The following SDK1 variants were observed in gnomAD, a reference collection of about 807,000 sequenced individuals.
SDK1 encodes the protein sidekick cell adhesion molecule 1.
SDK1 carries 157 observed loss-of-function variants against 245.5 expected under a neutral mutation model. The ratio of observed to expected loss-of-function variants is 0.64; its 90% CI spans 0.56 to 0.73. The LOEUF is 0.73. Ranked by LOEUF, SDK1 falls within the 30% of genes least tolerant of loss-of-function variation. The pLI, the probability that SDK1 is intolerant of heterozygous loss-of-function variation, is 0.00. For missense variants in SDK1, 3,583 were observed against 3,002.3 expected (o/e 1.19, Z -4.52); for synonymous variants, 1,647 against 1,278.5 (o/e 1.29, Z -6.15).
chr7:3,409,011 G>A (rs1442398670), intron 1 of SDK1, among the ~76,000 whole-genome samples: 1 of 152,192 alleles, frequency 6.6e-6, no homozygotes, highest in Non-Finnish European at 1.5e-5. Context: ...GAGACACATA[G>A]TGCTGGCTTG....
intron 5 of SDK1, among the ~76,000 whole-genome samples, chr7:3,885,394 C>T (rs1411570503): frequency 2.0e-5 from 3 of 152,188 alleles, no homozygotes; most frequent in Non-Finnish European, 4.4e-5. Flanking sequence ...TCATCACATT[C>T]CACAGAGAAT....
At chr7:4,040,710 AT>A (rs1788564675) in intron 17 of SDK1, among the ~76,000 whole-genome samples, 1 of 152,184 alleles carries the variant, frequency 6.6e-6, no homozygotes. Flanking sequence ...TGGATGCGCC[AT>A]TTGCATAGCC....
At chr7:3,752,569 A>G (rs964761880) in intron 4 of SDK1, among the ~76,000 whole-genome samples, 3 of 152,232 alleles carry the variant, frequency 2.0e-5, no homozygotes, top group Non-Finnish European at 4.4e-5. Context: ...GCCTTTAAAG[A>G]CAACATTTAT....
At chr7:3,717,054 T>C (rs992180241) in intron 4 of SDK1, among the ~76,000 whole-genome samples, 9 of 152,186 alleles carry the variant, frequency 5.9e-5, no homozygotes, top group African/African-American at 2.2e-4. Flanking sequence ...TACTTAAGAC[T>C]ATTAGATTTT....
intron 1 of SDK1, among the ~76,000 whole-genome samples, chr7:3,393,793 G>A (rs1234595689): frequency 6.6e-6 from 1 of 152,046 alleles, no homozygotes; most frequent in Non-Finnish European, 1.5e-5. Flanking sequence ...CAGCTATTTT[G>A]AGTTCTTGAA....
chr7:3,752,287 A>G lies in SDK1; in HGVS notation c.714-69163A>G, dbSNP rs545321691. 3.3e-4 allele frequency among the ~76,000 whole-genome samples: 51 copies of G among 152,302 alleles called. 1 individual carries two copies. In the South Asian group the frequency reaches 1.0e-2, roughly 30 times the overall value. ...TCTTAATGCATGTTTAGGACTTCAA[A>G]GACCCCTTTCTTTTGATTTTTTTCC... On this transcript the variant is annotated intron_variant, in intron 4 of 44. Transcript: ENST00000404826.
At chr7:3,729,171 G>A (rs1779101287) in intron 4 of SDK1, among the ~76,000 whole-genome samples, 1 of 152,170 alleles carries the variant, frequency 6.6e-6, no homozygotes, top group Admixed American at 6.5e-5. Flanking sequence ...AAGTTTGGAT[G>A]TAAGATCTAA....
At chr7:3,483,744 T>A (rs1781589925) in intron 1 of SDK1, among the ~76,000 whole-genome samples, 1 of 152,176 alleles carries the variant, frequency 6.6e-6, no homozygotes, top group South Asian at 2.1e-4. Flanking sequence ...TTCAGTACTA[T>A]TAGATGATAT....
At chr7:3,506,360 T>C (rs1417303556) in intron 1 of SDK1, among the ~76,000 whole-genome samples, 1 of 152,210 alleles carries the variant, frequency 6.6e-6, no homozygotes, top group Non-Finnish European at 1.5e-5. Context: ...TCTTACCTAT[T>C]CCCTGTGTAA....
At chr7:3,944,952 G>T (rs1332232301) in intron 5 of SDK1, among the ~76,000 whole-genome samples, 1 of 152,134 alleles carries the variant, frequency 6.6e-6, no homozygotes, top group Non-Finnish European at 1.5e-5. Flanking sequence ...AGCATGGAGG[G>T]GGAGCCATTG....
rs1204324690 is a variant in SDK1 at position 3,536,223 on chromosome 7, A to ATT, written c.299-82848_299-82847dup. On this transcript the variant is annotated intron_variant, in intron 1 of 44. Coordinates refer to ENST00000404826, the MANE Select transcript of SDK1 (RefSeq NM_152744.4). Reference sequence around the variant, plus strand: ...AGGCGCCCGCCACCACACCCAGCTAATTTTTTTTTTGTGTGTGTGTTTTTA... The same window carrying ATT: ...AGGCGCCCGCCACCACACCCAGCTAATTTTTTTTTTTTGTGTGTGTGTTTTTA... 2.5e-3 allele frequency among the ~76,000 whole-genome samples: 335 copies of ATT among 136,676 alleles called. 3 individuals carry two copies. Among genetic ancestry groups the ATT allele is most frequent in the South Asian group, 0.019 (77 of 4,038 alleles). The allele number at this position is 136,676 out of a possible 152,430, so 89.7% of individuals were successfully genotyped here. A position where few individuals can be genotyped will look rare whatever the true frequency, so the allele number is the denominator to read the frequency against.
chr7:3,345,082 CTTG>C (rs961079299), intron 1 of SDK1, among the ~76,000 whole-genome samples: 76 of 152,290 alleles, frequency 5.0e-4, no homozygotes, highest in Non-Finnish European at 8.4e-4. Context: ...TCTTTGAAGT[CTTG>C]TTGTAGAACT....
intron 4 of SDK1, among the ~76,000 whole-genome samples, chr7:3,722,716 A>C (rs1184864889): frequency 6.6e-6 from 1 of 152,000 alleles, no homozygotes; most frequent in African/African-American, 2.4e-5. Context: ...CAAGTGCCCC[A>C]CCCCCTGGTG....
chr7:3,463,741 T>TCCTTGAATGCTGGTCTCTCC (rs1451951670), intron 1 of SDK1, among the ~76,000 whole-genome samples: 3 of 152,216 alleles, frequency 2.0e-5, no homozygotes, highest in African/African-American at 7.2e-5. Context: ...CTGGTCTCAC[T>TCCTTGAATGCTGGTCTCTCC]CCTTGAATGC....
At chr7:3,623,017 G>C (rs368676081) in intron 2 of SDK1, among the ~76,000 whole-genome samples, 3 of 151,728 alleles carry the variant, frequency 2.0e-5, no homozygotes, top group African/African-American at 7.3e-5. Flanking sequence ...GCCTTCATGA[G>C]ACCTTTGTAA....
chr7:3,443,761 A>G (rs1471772971), intron 1 of SDK1, among the ~76,000 whole-genome samples: 1 of 152,210 alleles, frequency 6.6e-6, no homozygotes, highest in Non-Finnish European at 1.5e-5. Flanking sequence ...TTTGGTGGTC[A>G]GCAGCGTAAT....
intron 1 of SDK1, among the ~76,000 whole-genome samples, chr7:3,369,118 C>T (rs916872041): frequency 6.6e-6 from 1 of 151,858 alleles, no homozygotes; most frequent in African/African-American, 2.4e-5. Context: ...GATATTGGCT[C>T]ACTGCAACCT....
At chr7:3,310,076 G>A (rs1431237700) in intron 1 of SDK1, among the ~76,000 whole-genome samples, 1 of 152,172 alleles carries the variant, frequency 6.6e-6, no homozygotes, top group Non-Finnish European at 1.5e-5. Context: ...AAAAGCTCCC[G>A]GGTACTGTCC....
At chr7:4,109,457 C>G (rs1161838963) in intron 22 of SDK1, among the ~76,000 whole-genome samples, 1 of 152,236 alleles carries the variant, frequency 6.6e-6, no homozygotes, top group Non-Finnish European at 1.5e-5. Flanking sequence ...CGTTTCCTAT[C>G]CTGTCATTTA....
Sources: allele counts gnomAD v4.1 joint callset (sites outside exome capture counted in the v4.1 genomes callset), GRCh38; gene constraint gnomAD v4.1.1; transcripts MANE v1.5; gene names NCBI Gene and HGNC (gene_info 2026-07-23, HGNC 2026-07-21).